KLHL28: variants seen among roughly 807,000 people sequenced by gnomAD.
KLHL28 encodes the protein kelch-like protein 28.
KLHL28 carries 22 observed loss-of-function variants against 48.3 expected under a neutral mutation model. The ratio of observed to expected loss-of-function variants is 0.46; its 90% CI spans 0.33 to 0.65. The LOEUF (loss-of-function observed/expected upper bound fraction) is 0.65. Among genes scored for constraint, KLHL28 ranks in the 30% least tolerant of loss-of-function variants. The pLI is 0.03. For missense variants in KLHL28, 527 were observed against 704.3 expected (o/e 0.75, Z 2.85); for synonymous variants, 243 against 242.4 (o/e 1.00, Z -0.02).
In KLHL28 at chr14:44,926,901, C is replaced by T. The variant is rs141673655; in HGVS notation, c.*2127G>A. The T allele has an allele frequency of 7.1e-3, 1,083 of 152,632 alleles. 4 individuals carry two copies. Among genetic ancestry groups the T allele is most frequent in the Non-Finnish European group, 0.012 (842 of 68,002 alleles). 9.5% of individuals were successfully genotyped at this position (152,632 alleles called of 1,614,324 possible). A position where few individuals can be genotyped will look rare whatever the true frequency, so the allele number is the denominator to read the frequency against. ...TAGGATATATTTAATAATTTGATTG[C>T]TATAAACAAAGAAAACTGAATTGGG... is the stretch of plus-strand genomic sequence containing the variant. On this transcript the variant is annotated 3_prime_UTR_variant, in exon 5 of 5. Coordinates refer to ENST00000396128, the MANE Select transcript of KLHL28 (RefSeq NM_017658.5).
chr14:44,949,744 T>G (rs1884495415), intron 1 of KLHL28, among the ~76,000 whole-genome samples: 1 of 152,130 alleles, frequency 6.6e-6, no homozygotes, highest in South Asian at 2.1e-4. Flanking sequence ...CCAAACCAAC[T>G]ACCCAAGTAT....
chr14:44,957,648 T>C (rs1566580237), intron 1 of KLHL28, among the ~76,000 whole-genome samples: 1 of 152,206 alleles, frequency 6.6e-6, no homozygotes, highest in African/African-American at 2.4e-5. Flanking sequence ...TTTTAACATG[T>C]ATTAATTCCT....
At chr14:44,933,033 T>C (rs1321588801) in intron 3 of KLHL28, among the ~76,000 whole-genome samples, 1 of 152,202 alleles carries the variant, frequency 6.6e-6, no homozygotes, top group Non-Finnish European at 1.5e-5. Flanking sequence ...TAAAACAGTA[T>C]AATATTTGCA....
rs745780927 is a variant in KLHL28, at chr14:44,934,364, G to A, written c.1094C>T (p.Thr365Ile). 4.3e-5 allele frequency: 70 copies of A among 1,613,996 alleles called. No homozygotes were observed. The highest frequency in any genetic ancestry group is 5.5e-5 in the Non-Finnish European group (65 of 1,180,002). ...ATTCATTCTCTCTAGAGAAGTCCAA[G>A]TATTTGTATCAGGATTCCAGCATTC... ...SVECWNPDTN[T>I]WTSLERMNES... The change falls in exon 3 of 5, where the codon ACT becomes ATT. Residue 365 changes from threonine (T) to isoleucine (I), a missense_variant. Physicochemically the swap from Thr to Ile is moderately conservative, Grantham distance 89 (BLOSUM62 -1). Coordinates refer to ENST00000396128, the MANE Select transcript of KLHL28 (RefSeq NM_017658.5).
chr14:44,949,977 G>C (rs1884506809), intron 1 of KLHL28, among the ~76,000 whole-genome samples: 1 of 152,074 alleles, frequency 6.6e-6, no homozygotes. Flanking sequence ...GATCTAAACA[G>C]ACTGTAACAC....
At chr14:44,944,983 G>T in intron 2 of KLHL28, 47 bp downstream of exon 2, 1 of 1,297,666 alleles carries the variant, frequency 7.7e-7, no homozygotes, top group Non-Finnish European at 1.1e-6. Flanking sequence ...CATTTAAAAA[G>T]CATAAAATCA....
chr14:44,956,269 CT>C (rs1434824692), intron 1 of KLHL28, among the ~76,000 whole-genome samples: 2 of 152,070 alleles, frequency 1.3e-5, no homozygotes, highest in Non-Finnish European at 1.5e-5. Flanking sequence ...CCAAATTTCT[CT>C]TTTTAAAAGT....
At chr14:44,951,567 C>G (rs1884581571) in intron 1 of KLHL28, among the ~76,000 whole-genome samples, 1 of 152,132 alleles carries the variant, frequency 6.6e-6, no homozygotes, top group Admixed American at 6.5e-5. Context: ...CATTTTACTC[C>G]ATAATAATAG....
intron 2 of KLHL28, among the ~76,000 whole-genome samples, chr14:44,943,889 A>G (rs1024786774): frequency 2.0e-5 from 3 of 151,900 alleles, no homozygotes; most frequent in African/African-American, 7.3e-5. Flanking sequence ...TAATATTTTA[A>G]ATTTTTTGTA....
intron 1 of KLHL28, chr14:44,961,053 A>G (rs1885059890): frequency 1.9e-6 from 1 of 514,080 alleles, no homozygotes; most frequent in Admixed American, 3.3e-5. Flanking sequence ...CACACTAGAC[A>G]CTCCAGCTCT....
intron 2 of KLHL28, among the ~76,000 whole-genome samples, chr14:44,944,818 G>T (rs998099636): frequency 6.6e-6 from 1 of 151,970 alleles, no homozygotes; most frequent in Non-Finnish European, 1.5e-5. Flanking sequence ...GTGCACTTGG[G>T]GAGATGGTTA....
At chr14:44,935,867 T>C (rs1460183986) in intron 2 of KLHL28, among the ~76,000 whole-genome samples, 1 of 132,358 alleles carries the variant, frequency 7.6e-6, no homozygotes, top group Non-Finnish European at 1.6e-5. Context: ...TGTATGTGTA[T>C]GTGTATGTAT....
At chr14:44,958,182 A>T (rs1009927661) in intron 1 of KLHL28, among the ~76,000 whole-genome samples, 11 of 151,892 alleles carry the variant, frequency 7.2e-5, no homozygotes, top group Admixed American at 5.2e-4. Flanking sequence ...AAATTAAAAT[A>T]AAACTTTCCA....
intron 1 of KLHL28, chr14:44,959,615 TTG>T (rs1594588649): frequency 6.6e-6 from 1 of 152,244 alleles, no homozygotes; most frequent in African/African-American, 2.4e-5. Flanking sequence ...TTTAGGGCAA[TTG>T]TGTTTACCCT....
chr14:44,960,724 A>AAAAAC (rs61236196), intron 1 of KLHL28, among the ~76,000 whole-genome samples: 3,577 of 25,388 alleles, frequency 0.14, 179 homozygotes, highest in African/African-American at 0.33. Flanking sequence ...CCACCCCCCC[A>AAAAAC]AAAACAAAAC....
chr14:44,942,389 G>C (rs1015481385), intron 2 of KLHL28, among the ~76,000 whole-genome samples: 4 of 152,014 alleles, frequency 2.6e-5, no homozygotes, highest in Non-Finnish European at 5.9e-5. Context: ...GCCTATATTA[G>C]ATAAGAGGTT....
At chr14:44,936,129 A>G (rs1883816613) in intron 2 of KLHL28, among the ~76,000 whole-genome samples, 1 of 151,838 alleles carries the variant, frequency 6.6e-6, no homozygotes, top group African/African-American at 2.4e-5. Context: ...ACAAGGTTTA[A>G]AAGAGAATGG....
chr14:44,937,996 A>G (rs1883898074), intron 2 of KLHL28, among the ~76,000 whole-genome samples: 3 of 152,228 alleles, frequency 2.0e-5, no homozygotes, highest in Non-Finnish European at 4.4e-5. Context: ...TACATTTCCA[A>G]CATATGAACT....
intron 3 of KLHL28, among the ~76,000 whole-genome samples, chr14:44,933,123 G>A (rs748809950): frequency 4.6e-5 from 7 of 151,958 alleles, no homozygotes; most frequent in Non-Finnish European, 1.5e-5. Flanking sequence ...CTGTTATACT[G>A]TATTATTTTG....
Sources: allele counts gnomAD v4.1 joint callset (sites outside exome capture counted in the v4.1 genomes callset), GRCh38; gene constraint gnomAD v4.1.1; transcripts MANE v1.5; gene names NCBI Gene and HGNC (gene_info 2026-07-23, HGNC 2026-07-21).